The following TRIM14 variants were observed in gnomAD, a reference collection of about 807,000 sequenced individuals.
TRIM14 encodes the protein tripartite motif containing 14.
A neutral mutation model predicts 44.5 loss-of-function variants in TRIM14; 28 were observed. The ratio of observed to expected loss-of-function variants is 0.63; its 90% CI spans 0.47 to 0.86. The LOEUF (loss-of-function observed/expected upper bound fraction) is 0.86. Among genes scored for constraint, TRIM14 ranks in the 40% least tolerant of loss-of-function variants. The pLI is 0.00. For missense variants in TRIM14, 607 were observed against 611.1 expected (o/e 0.99, Z 0.07); for synonymous variants, 299 against 269.2 (o/e 1.11, Z -1.08).
chr9:98,087,188 A>G lies in TRIM14; in HGVS notation c.*282T>C. The G allele has an allele frequency of 1.4e-6, 1 of 718,002 alleles. No individual in the cohort carries two copies. The highest frequency in any genetic ancestry group is 2.6e-6 in the Non-Finnish European group (1 of 379,578). 44.5% of individuals were successfully genotyped at this position (718,002 alleles called of 1,614,324 possible). On this transcript the variant is annotated 3_prime_UTR_variant, in exon 6 of 6. Transcript: ENST00000341469. Reference sequence around the variant, plus strand: ...ATGCTGAGGGCTTACCTGTGGGGGTATCACTTTGAAGGAACTGGATTAAAG... The same window carrying G: ...ATGCTGAGGGCTTACCTGTGGGGGTGTCACTTTGAAGGAACTGGATTAAAG...
chr9:98,063,497 C>G, the TRIM14 span, among the ~76,000 whole-genome samples: 1 of 152,100 alleles, frequency 6.6e-6, no homozygotes, highest in East Asian at 1.9e-4. Flanking sequence ...CTGCCTCAGC[C>G]TCCCAAAGTG....
At chr9:98,091,839 T>A (rs1328978372) in intron 5 of TRIM14, 70 bp downstream of exon 5, 22 of 1,075,294 alleles carry the variant, frequency 2.0e-5, no homozygotes, top group Non-Finnish European at 2.5e-6. Flanking sequence ...TCCATTTCCA[T>A]GATCCTCCTC....
intron 1 of TRIM14, among the ~76,000 whole-genome samples, chr9:98,113,241 A>G (rs1270048973): frequency 6.6e-6 from 1 of 151,962 alleles, no homozygotes; most frequent in South Asian, 2.1e-4. Flanking sequence ...ACCAGGTTTT[A>G]TCAGAGCATT....
intron 6 of TRIM14, chr9:98,078,149 C>T: frequency 6.2e-7 from 1 of 1,613,108 alleles, no homozygotes; most frequent in Non-Finnish European, 8.5e-7. Context: ...GAGTCAGAAC[C>T]TCTAAAGAGA....
At position 98,105,376 on chromosome 9, in the gene TRIM14, C is replaced by T. The variant is rs574439582; in HGVS notation, c.303+4513G>A. On this transcript the variant is annotated intron_variant, in intron 2 of 5. Coordinates refer to ENST00000341469, the MANE Select transcript of TRIM14 (RefSeq NM_014788.4). The stretch of plus-strand genomic sequence containing the variant: ...TCAGGATCACTTGACGTCAGGAGTT[C>T]GAGACCAGCCTGGCCAACATAGTGA... Among the ~76,000 whole-genome samples, 13 of 152,254 alleles carry T rather than the reference C, an allele frequency of 8.5e-5. No individual in the cohort carries two copies. The South Asian group carries it at 1.5e-3, about 17-fold the overall frequency.
the TRIM14 span, chr9:98,060,687 T>C: frequency 8.9e-7 from 1 of 1,125,146 alleles, no homozygotes; most frequent in African/African-American, 1.6e-5. Context: ...AATAAATAAA[T>C]AAAGATGGTG....
At chr9:98,064,181 T>C in the TRIM14 span, among the ~76,000 whole-genome samples, 1 of 152,200 alleles carries the variant, frequency 6.6e-6, no homozygotes. Context: ...GTAGACCAAA[T>C]TCATTCCTTA....
chr9:98,092,875 G>A (rs1260299670), intron 4 of TRIM14, among the ~76,000 whole-genome samples: 3 of 152,158 alleles, frequency 2.0e-5, no homozygotes, highest in African/African-American at 4.8e-5. Context: ...TGGCTGTGCT[G>A]GAGTCTCTGA....
At chr9:98,055,385 T>C in the TRIM14 span, among the ~76,000 whole-genome samples, 1 of 152,056 alleles carries the variant, frequency 6.6e-6, no homozygotes, top group Non-Finnish European at 1.5e-5. Flanking sequence ...GGAGTGCTGA[T>C]TGGTTGTGTT....
chr9:98,105,751 T>C (rs1165252342), intron 2 of TRIM14, among the ~76,000 whole-genome samples: 2 of 152,046 alleles, frequency 1.3e-5, no homozygotes, highest in Non-Finnish European at 2.9e-5. Context: ...GGCCTGGCCA[T>C]CCAGGGGGAG....
rs375983980 is a variant in TRIM14 at position 98,099,953 on chromosome 9, G to T, written c.515C>A (p.Pro172His). The T allele has an allele frequency of 6.2e-7, 1 of 1,613,370 alleles. No homozygotes were observed. Among genetic ancestry groups the T allele is most frequent in the African/African-American group, 1.3e-5 (1 of 74,870 alleles). ...TACCTGAAGCCTCTGGACAGGATCGGGCTCCTGGCTGATACTCCAGACCCT... is the reference window on the plus strand; with the variant it reads ...TACCTGAAGCCTCTGGACAGGATCGTGCTCCTGGCTGATACTCCAGACCCT... ...SNRVWSISQEPDPVQRLQAYT... is the reference protein window; with the variant it reads ...SNRVWSISQEHDPVQRLQAYT... Residue 172 changes from proline (P) to histidine (H), a missense_variant, in exon 3 of 6, where the codon CCC becomes CAC. Pro to His is a moderately conservative substitution (Grantham distance 77, BLOSUM62 -2). Transcript: ENST00000341469.
At chr9:98,037,270 T>C in the TRIM14 span, among the ~76,000 whole-genome samples, 2 of 151,918 alleles carry the variant, frequency 1.3e-5, no homozygotes, top group Non-Finnish European at 2.9e-5. Flanking sequence ...CCCAGCTACT[T>C]GGGAGGCTGA....
Position 98,087,910 on chromosome 9 carries a change from G to C in TRIM14, c.889C>G (p.Leu297Val). The C allele has an allele frequency of 6.4e-7, 1 of 1,569,074 alleles. No homozygotes were observed. The highest frequency in any genetic ancestry group is 8.6e-7 in the Non-Finnish European group (1 of 1,167,642). Residue 297 changes from leucine to valine, a missense_variant, in exon 6 of 6, where the codon CTG (leucine) becomes GTG (valine). Leu to Val is a conservative substitution (Grantham distance 32). Around this residue, in one of 3 missense-constraint regions of TRIM14, gnomAD observed 356 missense variants for 323.0 expected, o/e 1.10. Transcript: ENST00000341469. Reference sequence around the variant, plus strand: ...AACCGCAGCACGGGCACGGGCCCCAGGCTGCCCAGCAGGCCGCAGCGCACC... The same window carrying C: ...AACCGCAGCACGGGCACGGGCCCCACGCTGCCCAGCAGGCCGCAGCGCACC... ...LTVRCGLLGSLGPVPVLRFDA... is the reference protein window; with the variant it reads ...LTVRCGLLGSVGPVPVLRFDA...
intron 2 of TRIM14, among the ~76,000 whole-genome samples, chr9:98,108,321 T>C (rs1425033583): frequency 2.0e-5 from 3 of 152,224 alleles, no homozygotes; most frequent in African/African-American, 7.2e-5. Flanking sequence ...GTGGGCCGCA[T>C]GTGGCCCAGC....
Position 98,087,958 on chromosome 9 carries a change from G to A in TRIM14, c.841C>T (p.Arg281Cys). ...ACCGTCAGGCGATCGGCGGACAGGC[G>A]CAGGCGCGCGTGCATCGTGTCAGGA... is the stretch of plus-strand genomic sequence containing the variant. The part of the protein sequence containing the change: ...LDPDTMHARL[R>C]LSADRLTVRC... The change falls in exon 6 of 6, where the codon CGC becomes TGC. Residue 281 changes from arginine to cysteine, a missense_variant. This residue lies in a region of TRIM14 where 356 missense variants were observed against 323.0 expected (regional missense o/e 1.10). Coordinates refer to ENST00000341469, the MANE Select transcript of TRIM14 (RefSeq NM_014788.4). 3.8e-6 allele frequency: 6 copies of A among 1,564,248 alleles called. No homozygotes were observed. The highest frequency in any genetic ancestry group is 5.1e-6 in the Non-Finnish European group (6 of 1,165,890).
At chr9:98,078,396 A>G (rs755273425) in intron 6 of TRIM14, 33 of 1,576,384 alleles carry the variant, frequency 2.1e-5, no homozygotes, top group Non-Finnish European at 2.8e-5. Flanking sequence ...ACTATGGGGA[A>G]GGCGTAGTCT....
chr9:98,083,328 CCAAA>C (rs745688095), downstream of TRIM14, among the ~76,000 whole-genome samples: 13 of 152,356 alleles, frequency 8.5e-5, no homozygotes, highest in Non-Finnish European at 1.8e-4. Context: ...AGGGGTGGTT[CCAAA>C]CAAAGTCCAT....
chr9:98,077,674 G>C (rs1240132182), intron 6 of TRIM14, among the ~76,000 whole-genome samples: 1 of 152,092 alleles, frequency 6.6e-6, no homozygotes, highest in Non-Finnish European at 1.5e-5. Context: ...CGTGTAAAGT[G>C]GTTTTACAAC....
intron 1 of TRIM14, among the ~76,000 whole-genome samples, chr9:98,110,995 G>A (rs1325450617): frequency 6.6e-6 from 1 of 151,426 alleles, no homozygotes; most frequent in East Asian, 2.0e-4. Flanking sequence ...AGTGAGCCAT[G>A]ATCATGCCAC....
Sources: gnomAD v4.1 joint callset for allele counts (sites outside exome capture counted in the v4.1 genomes callset) on GRCh38, gnomAD v4.1.1 for gene constraint, gnomAD v4.1.1 regional missense constraint, MANE v1.5 for transcripts, NCBI Gene and HGNC (gene_info 2026-07-23, HGNC 2026-07-21) for gene names.